Variants in ADCY8 observed in about 807,000 individuals in gnomAD.
The protein encoded by ADCY8 is adenylate cyclase type 8.
A neutral mutation model predicts 119.7 loss-of-function variants in ADCY8; 51 were observed. The ratio of observed to expected loss-of-function variants is 0.43; its 90% CI spans 0.34 to 0.54. The LOEUF (loss-of-function observed/expected upper bound fraction) is 0.54. Among genes scored for constraint, ADCY8 ranks in the 20% least tolerant of loss-of-function variants. ADCY8 has a pLI of 0.03. For missense variants in ADCY8, 1,383 were observed against 1,598.8 expected (o/e 0.87, Z 2.30); for synonymous variants, 665 against 651.0 (o/e 1.02, Z -0.33).
At chr8:130,992,624 A>G (rs1179133562) in intron 1 of ADCY8, among the ~76,000 whole-genome samples, 4 of 151,786 alleles carry the variant, frequency 2.6e-5, no homozygotes, top group African/African-American at 4.8e-5. Context: ...TATGTTGGCC[A>G]GGCTGGTCTT....
At position 131,040,100 on chromosome 8, in the gene ADCY8, G is replaced by A; in HGVS notation, c.234C>T (p.His78=). ...AGTCGCCTGACAGCTGCGGCGCGTG[G>A]TGGTTGGGGCCGCCGCCCGCAGGGT... The part of the protein sequence containing the change: ...ASDPAGGGPN[H]HAPQLSGDSA... The change falls in exon 1 of 18, where the codon CAC becomes CAT. Residue 78 remains histidine (H), a synonymous_variant. Transcript: ENST00000286355. 6.5e-7 allele frequency: 1 copy of A among 1,528,876 alleles called. No homozygotes were observed. 94.7% of individuals were successfully genotyped at this position (1,528,876 alleles called of 1,614,324 possible).
Position 131,040,079 on chromosome 8 carries a change from G to A in ADCY8, c.255C>T (p.Gly85=). ...GPNHHAPQLS[G]DSALPLYSLG... ...GCGAGTAGAGGGGCAGCGCCGAGTC[G>A]CCTGACAGCTGCGGCGCGTGGTGGT... Residue 85 remains glycine (G), a synonymous_variant, in exon 1 of 18, where the codon GGC becomes GGT. Coordinates refer to ENST00000286355, the MANE Select transcript of ADCY8 (RefSeq NM_001115.3). 2 of 1,535,034 alleles carry A rather than the reference G, an allele frequency of 1.3e-6. No individual in the cohort carries two copies. The highest frequency in any genetic ancestry group is 1.2e-5 in the South Asian group (1 of 83,174).
At chr8:131,024,380 C>T (rs1407898272) in intron 1 of ADCY8, among the ~76,000 whole-genome samples, 1 of 152,174 alleles carries the variant, frequency 6.6e-6, no homozygotes, top group Non-Finnish European at 1.5e-5. Flanking sequence ...CTACTTTATT[C>T]TCATCTTGTT....
chr8:131,008,049 A>G (rs2130774839), intron 1 of ADCY8, among the ~76,000 whole-genome samples: 1 of 152,284 alleles, frequency 6.6e-6, no homozygotes, highest in South Asian at 2.1e-4. Context: ...GTCCAATCAG[A>G]ATGGTTTTGA....
intron 8 of ADCY8, among the ~76,000 whole-genome samples, chr8:130,871,254 C>A (rs1245296201): frequency 1.3e-5 from 2 of 152,154 alleles, no homozygotes; most frequent in Non-Finnish European, 2.9e-5. Flanking sequence ...TTATTGCCTG[C>A]CAAAGTTAAG....
intron 17 of ADCY8, among the ~76,000 whole-genome samples, chr8:130,782,221 G>A (rs2082313302): frequency 1.3e-5 from 2 of 152,094 alleles, no homozygotes; most frequent in Admixed American, 1.3e-4. Context: ...ATAAGTGACT[G>A]GAAATTTGAA....
chr8:130,803,721 C>A (rs1285869578), intron 14 of ADCY8, among the ~76,000 whole-genome samples: 1 of 152,168 alleles, frequency 6.6e-6, no homozygotes, highest in Non-Finnish European at 1.5e-5. Context: ...GATCACACAG[C>A]TAGTAGTGGA....
chr8:130,991,402 A>T (rs1394535701), intron 1 of ADCY8, among the ~76,000 whole-genome samples: 1 of 152,214 alleles, frequency 6.6e-6, no homozygotes, highest in Non-Finnish European at 1.5e-5. Context: ...AGAATTCCAA[A>T]AAGAAAAGAA....
chr8:130,846,530 C>CCCTTCCTTCCTT (rs764912713), intron 11 of ADCY8, among the ~76,000 whole-genome samples: 40 of 131,534 alleles, frequency 3.0e-4, no homozygotes, highest in Admixed American at 1.0e-3. Flanking sequence ...CTCCCTCCCT[C>CCCTTCCTTCCTT]CCTTCCTTCC....
chr8:130,797,708 C>T (rs1028822203), intron 15 of ADCY8, among the ~76,000 whole-genome samples: 1 of 152,296 alleles, frequency 6.6e-6, no homozygotes, highest in African/African-American at 2.4e-5. Context: ...ACCCTCTGTA[C>T]TAGTACACTT....
intron 2 of ADCY8, among the ~76,000 whole-genome samples, chr8:130,959,123 T>G (rs554052119): frequency 7.2e-5 from 11 of 152,224 alleles, no homozygotes; most frequent in Non-Finnish European, 1.2e-4. Context: ...CAGTTGAAAA[T>G]TAAACCCTTA....
At chr8:130,968,868 A>C (rs1821842266) in intron 2 of ADCY8, among the ~76,000 whole-genome samples, 2 of 152,360 alleles carry the variant, frequency 1.3e-5, no homozygotes, top group South Asian at 2.1e-4. Context: ...GACATTAGAC[A>C]CTGAATCTAC....
At chr8:130,878,150 C>T (rs375125567) in intron 8 of ADCY8, among the ~76,000 whole-genome samples, 5 of 152,188 alleles carry the variant, frequency 3.3e-5, no homozygotes, top group African/African-American at 1.2e-4. Flanking sequence ...TATCACCCAA[C>T]CGGTAACTGG....
intron 8 of ADCY8, among the ~76,000 whole-genome samples, chr8:130,875,139 G>GTT (rs1294123514): frequency 1.3e-5 from 2 of 152,116 alleles, no homozygotes; most frequent in Non-Finnish European, 2.9e-5. Flanking sequence ...GATATCATTT[G>GTT]ACTACCTAGA....
At chr8:130,847,610 G>T in intron 10 of ADCY8, 97 bp from the exon 11 acceptor site, 1 of 1,038,696 alleles carries the variant, frequency 9.6e-7, no homozygotes, top group Non-Finnish European at 1.4e-6. Context: ...TGCTATCAGT[G>T]GCTGGGCTTC....
intron 8 of ADCY8, among the ~76,000 whole-genome samples, chr8:130,882,004 G>A (rs1818791883): frequency 6.6e-6 from 1 of 151,994 alleles, no homozygotes; most frequent in Admixed American, 6.6e-5. Flanking sequence ...CTTGTCTAAG[G>A]GGGTTGTCCC....
chr8:130,804,057 G>T (rs1050675048), intron 14 of ADCY8, among the ~76,000 whole-genome samples: 3 of 152,186 alleles, frequency 2.0e-5, no homozygotes, highest in Non-Finnish European at 4.4e-5. Context: ...CCACGAAGGA[G>T]CCTGACTGTG....
intron 3 of ADCY8, 65 bp downstream of exon 3, chr8:130,951,803 C>A: frequency 6.3e-7 from 1 of 1,587,832 alleles, no homozygotes; most frequent in Non-Finnish European, 8.6e-7. Context: ...CACGGAAGTG[C>A]AATGAGAGCA....
chr8:130,952,812 G>T (rs558641100), intron 2 of ADCY8, among the ~76,000 whole-genome samples: 4 of 152,028 alleles, frequency 2.6e-5, no homozygotes, highest in Non-Finnish European at 4.4e-5. Context: ...AAAGAAAAAG[G>T]GTGTGCCCAC....
Sources: allele counts gnomAD v4.1 joint callset (sites outside exome capture counted in the v4.1 genomes callset), GRCh38; gene constraint gnomAD v4.1.1; transcripts MANE v1.5; gene names NCBI Gene and HGNC (gene_info 2026-07-23, HGNC 2026-07-21).